Variants in DCDC1 observed in about 807,000 individuals in gnomAD.
DCDC1 encodes the protein doublecortin domain containing 1, also known as doublecortin domain-containing protein 1.
Under a neutral mutation model 178.3 loss-of-function variants are expected in DCDC1, and 200 were observed. The ratio of observed to expected loss-of-function variants is 1.12; its 90% CI spans 1.00 to 1.26. The LOEUF is 1.26. Among genes scored for constraint, DCDC1 ranks in the 50% most tolerant of loss-of-function variants. DCDC1 has a pLI of 0.00. For synonymous variants in DCDC1, 690 were observed against 604.8 expected (o/e 1.14, Z -2.07); for missense variants, 1,983 against 1,749.2 (o/e 1.13, Z -2.38).
chr11:31,334,025 T>C (rs1227060166), intron 2 of DCDC1, among the ~76,000 whole-genome samples: 1 of 152,206 alleles, frequency 6.6e-6, no homozygotes. Context: ...CAATCAAACG[T>C]AGATTTGGTC....
intron 6 of DCDC1, among the ~76,000 whole-genome samples, chr11:31,300,465 T>C (rs1256474683): frequency 6.6e-6 from 1 of 152,130 alleles, no homozygotes; most frequent in Non-Finnish European, 1.5e-5. Context: ...AAATATCCAA[T>C]AGGCATTTAA....
chr11:31,209,332 T>C (rs1214317008), intron 9 of DCDC1, among the ~76,000 whole-genome samples: 1 of 152,118 alleles, frequency 6.6e-6, no homozygotes, highest in Non-Finnish European at 1.5e-5. Context: ...TAGTGATTTC[T>C]AAAAAGGAGA....
In DCDC1 at chr11:30,978,818, ACACACACACC is replaced by A. The variant is rs1238767065; in HGVS notation, c.2592-26260_2592-26251del. 5.4e-3 allele frequency among the ~76,000 whole-genome samples: 555 copies of A among 103,128 alleles called. 5 individuals carry two copies. Among genetic ancestry groups the A allele is most frequent in the African/African-American group, 0.016 (511 of 32,584 alleles). The allele number at this position is 103,128 out of a possible 152,430, so 67.7% of individuals were successfully genotyped here. A position where few individuals can be genotyped will look rare whatever the true frequency, so the allele number is the denominator to read the frequency against. ...CACACACACACACACACACACACAC[ACACACACACC>A]CCCTTCTCAGCCTCTGGTATCTATC... On this transcript the variant is annotated intron_variant, in intron 20 of 38. Transcript: ENST00000684477.
At chr11:30,883,072 TA>T (rs1238916044) in intron 36 of DCDC1, 1 of 152,566 alleles carries the variant, frequency 6.6e-6, no homozygotes, top group East Asian at 1.9e-4. Context: ...AAGAACAATC[TA>T]ATTTTGTTCT....
In DCDC1 at chr11:31,093,969, T is replaced by C. The variant is rs1957973955; in HGVS notation, c.2118+81A>G. The C allele has an allele frequency of 4.2e-6, 3 of 720,136 alleles. No individual in the cohort carries two copies. The Admixed American group carries it at 5.6e-5, about 13-fold the overall frequency. 44.6% of individuals were successfully genotyped at this position (720,136 alleles called of 1,614,324 possible). ...GCTTTCACTTGTATGCCCATGTGCA[T>C]GAGAGCACCAGGTGCCAGCAAGTGC... On this transcript the variant is annotated intron_variant, in intron 16 of 38. Transcript: ENST00000684477.
At chr11:31,077,829 CTT>C in intron 18 of DCDC1, 34 bp downstream of exon 18, 1 of 761,668 alleles carries the variant, frequency 1.3e-6, no homozygotes, top group South Asian at 1.4e-5. Context: ...AATAGAAAAA[CTT>C]AGGCATAAAA....
intron 10 of DCDC1, among the ~76,000 whole-genome samples, chr11:31,129,941 C>G (rs1962207597): frequency 6.6e-6 from 1 of 152,134 alleles, no homozygotes; most frequent in Non-Finnish European, 1.5e-5. Context: ...AACCAAATGT[C>G]TCTTCTCACT....
intron 20 of DCDC1, among the ~76,000 whole-genome samples, chr11:30,990,079 G>A (rs113583599): frequency 0.011 from 1,718 of 152,160 alleles, 32 homozygotes; most frequent in African/African-American, 0.039. Context: ...GGAAGAAGAC[G>A]CTTTTTCAAG....
At chr11:31,309,166 G>GTGTGTGTGTT (rs766830039) in intron 3 of DCDC1, among the ~76,000 whole-genome samples, 1 of 151,842 alleles carries the variant, frequency 6.6e-6, no homozygotes, top group Non-Finnish European at 1.5e-5. Flanking sequence ...GTGTGTGTGT[G>GTGTGTGTGTT]TATGTGTGTG....
intron 21 of DCDC1, 103 bp downstream of exon 21, chr11:30,952,342 C>A (rs1948475806): frequency 9.5e-7 from 1 of 1,047,844 alleles, no homozygotes; most frequent in Non-Finnish European, 1.3e-6. Context: ...TTGCACCTAA[C>A]AGCTGCAATT....
chr11:31,243,463 T>A (rs1049136894), intron 8 of DCDC1, among the ~76,000 whole-genome samples: 11 of 151,764 alleles, frequency 7.2e-5, no homozygotes, highest in Admixed American at 1.3e-4. Flanking sequence ...TTGAATGATT[T>A]ACACCCTAGA....
At chr11:31,057,751 G>A (rs1249805537) in intron 20 of DCDC1, among the ~76,000 whole-genome samples, 4 of 152,010 alleles carry the variant, frequency 2.6e-5, no homozygotes, top group African/African-American at 4.8e-5. Flanking sequence ...AAGCATAGTG[G>A]GTCTGACAGT....
chr11:30,991,227 G>A (rs1204701224), intron 20 of DCDC1, among the ~76,000 whole-genome samples: 1 of 152,124 alleles, frequency 6.6e-6, no homozygotes, highest in Admixed American at 6.6e-5. Flanking sequence ...AAGGAGGAGA[G>A]AGGCAGCATA....
intron 6 of DCDC1, among the ~76,000 whole-genome samples, chr11:31,294,259 A>C (rs1478935452): frequency 6.6e-6 from 1 of 151,856 alleles, no homozygotes; most frequent in African/African-American, 2.4e-5. Flanking sequence ...CAGAGACTCG[A>C]AATGAGGATA....
At chr11:31,087,225 C>T (rs1384328772) in intron 17 of DCDC1, among the ~76,000 whole-genome samples, 1 of 152,032 alleles carries the variant, frequency 6.6e-6, no homozygotes, top group Non-Finnish European at 1.5e-5. Flanking sequence ...TCTCTCATTG[C>T]TGATACAGGT....
At chr11:31,272,530 C>G (rs1236872953) in intron 7 of DCDC1, among the ~76,000 whole-genome samples, 1 of 152,202 alleles carries the variant, frequency 6.6e-6, no homozygotes. Context: ...GTTAATTACT[C>G]TCTAGATAAA....
chr11:31,103,019 T>C (rs1958606437), intron 14 of DCDC1, among the ~76,000 whole-genome samples: 1 of 152,190 alleles, frequency 6.6e-6, no homozygotes. Flanking sequence ...TATGGAATAA[T>C]AGGAGTAACG....
At chr11:31,126,397 T>C (rs1961623137) in intron 11 of DCDC1, among the ~76,000 whole-genome samples, 1 of 152,200 alleles carries the variant, frequency 6.6e-6, no homozygotes, top group Non-Finnish European at 1.5e-5. Flanking sequence ...TAGCAGACTA[T>C]GAGAAATAAA....
At chr11:30,978,437 A>C (rs755554189) in intron 20 of DCDC1, among the ~76,000 whole-genome samples, 1 of 152,206 alleles carries the variant, frequency 6.6e-6, no homozygotes, top group Admixed American at 6.5e-5. Context: ...ATAAGAAGAT[A>C]CTGAAGTAAA....
Sources: gnomAD v4.1 joint callset for allele counts (sites outside exome capture counted in the v4.1 genomes callset) on GRCh38, gnomAD v4.1.1 for gene constraint, MANE v1.5 for transcripts, NCBI Gene and HGNC (gene_info 2026-07-23, HGNC 2026-07-21) for gene names.